Variants in NELL1 observed in about 807,000 individuals in gnomAD.
NELL1 encodes the protein neural EGFL like 1.
NELL1 carries 76 observed loss-of-function variants against 107.4 expected under a neutral mutation model. That is an observed-to-expected ratio of 0.71 (90% confidence interval 0.59 to 0.86). The LOEUF is 0.86. Ranked by LOEUF, NELL1 falls within the 40% of genes least tolerant of loss-of-function variation. NELL1 has a pLI of 0.00. For synonymous variants in NELL1, 353 were observed against 341.2 expected (o/e 1.03, Z -0.38); for missense variants, 1,024 against 1,005.5 (o/e 1.02, Z -0.25).
At chr11:21,497,801 A>G (rs1035139846) in intron 15 of NELL1, among the ~76,000 whole-genome samples, 3 of 152,044 alleles carry the variant, frequency 2.0e-5, no homozygotes, top group African/African-American at 7.2e-5. Flanking sequence ...TTCTACTTGA[A>G]TTCATGAGTA....
At chr11:20,938,908 G>GTCTCTGTCTCTCTCTCTCTC (rs1554947414) in intron 10 of NELL1, among the ~76,000 whole-genome samples, 3 of 144,538 alleles carry the variant, frequency 2.1e-5, no homozygotes, top group African/African-American at 7.9e-5. Context: ...TTCTCTCTCT[G>GTCTCTGTCTCTCTCTCTCTC]TCTCTCTCTC....
chr11:21,239,539 G>A (rs796589661), intron 14 of NELL1, among the ~76,000 whole-genome samples: 5 of 152,128 alleles, frequency 3.3e-5, no homozygotes, highest in African/African-American at 1.2e-4. Flanking sequence ...ATTCTAATAT[G>A]TAGCCTGAAG....
intron 2 of NELL1, among the ~76,000 whole-genome samples, chr11:20,765,592 G>C (rs555853410): frequency 6.6e-6 from 1 of 152,130 alleles, no homozygotes. Flanking sequence ...TGGAGTGGGC[G>C]AAAGTGTGTT....
At chr11:21,005,503 A>AGGG (rs1385620631) in intron 12 of NELL1, among the ~76,000 whole-genome samples, 1 of 152,184 alleles carries the variant, frequency 6.6e-6, no homozygotes, top group Non-Finnish European at 1.5e-5. Flanking sequence ...CTCACAGCAC[A>AGGG]GGGGTGCTGC....
At chr11:21,572,643 C>G (rs935423064) in intron 18 of NELL1, among the ~76,000 whole-genome samples, 2 of 151,802 alleles carry the variant, frequency 1.3e-5, no homozygotes, top group Admixed American at 6.6e-5. Flanking sequence ...GTTCAGTGGT[C>G]ACATGTTATA....
chr11:20,846,963 A>G (rs1321579536), intron 3 of NELL1, among the ~76,000 whole-genome samples: 1 of 152,220 alleles, frequency 6.6e-6, no homozygotes, highest in Non-Finnish European at 1.5e-5. Flanking sequence ...AAACAGGATC[A>G]TAATCCTGGA....
At chr11:21,256,692 A>C (rs1281039642) in intron 14 of NELL1, among the ~76,000 whole-genome samples, 2 of 152,052 alleles carry the variant, frequency 1.3e-5, no homozygotes, top group African/African-American at 4.8e-5. Context: ...TCTGTCTTTC[A>C]AAGTTCTTGC....
At chr11:20,678,940 C>G (rs1854128764) in intron 2 of NELL1, among the ~76,000 whole-genome samples, 1 of 151,956 alleles carries the variant, frequency 6.6e-6, no homozygotes, top group Non-Finnish European at 1.5e-5. Context: ...GGATAAAAAG[C>G]CTGGTATAGG....
At chr11:20,927,796 G>A (rs1025501441) in intron 8 of NELL1, among the ~76,000 whole-genome samples, 2 of 152,192 alleles carry the variant, frequency 1.3e-5, no homozygotes, top group Non-Finnish European at 2.9e-5. Flanking sequence ...TAAAAGGGGA[G>A]TTTAATTATT....
intron 15 of NELL1, among the ~76,000 whole-genome samples, chr11:21,396,040 G>C (rs567425327): frequency 1.3e-5 from 2 of 151,582 alleles, no homozygotes; most frequent in Admixed American, 1.3e-4. Flanking sequence ...TCTGGCTGAG[G>C]CAGTTTTCAC....
At position 20,736,163 on chromosome 11, in the gene NELL1, G is replaced by T. The variant is rs148531951; in HGVS notation, c.185-47517G>T. On this transcript the variant is annotated intron_variant, in intron 2 of 19. Transcript: ENST00000357134. ...GGTCATCCACTGAGGGCAAGTGGGG[G>T]GTGAAGGTTTGAGTGAGAGAAGAAT... Among the ~76,000 whole-genome samples, 1,264 of 152,228 alleles carry T rather than the reference G, an allele frequency of 8.3e-3. 15 individuals carry two copies. Among genetic ancestry groups the T allele is most frequent in the African/African-American group, 0.028 (1,178 of 41,534 alleles).
intron 12 of NELL1, among the ~76,000 whole-genome samples, chr11:21,113,061 C>T (rs1855144943): frequency 6.6e-6 from 1 of 152,012 alleles, no homozygotes; most frequent in African/African-American, 2.4e-5. Context: ...GGATGAGAGA[C>T]ATTAATTTGC....
intron 12 of NELL1, among the ~76,000 whole-genome samples, chr11:21,081,459 T>A (rs1159828637): frequency 6.6e-6 from 1 of 152,148 alleles, no homozygotes; most frequent in Non-Finnish European, 1.5e-5. Context: ...GAGGTCTGAA[T>A]TTGTATCCAA....
At chr11:20,818,443 G>T in intron 3 of NELL1, among the ~76,000 whole-genome samples, 1 of 134,244 alleles carries the variant, frequency 7.4e-6, no homozygotes. Context: ...TTCGGAATCA[G>T]GAAACTGCTA....
chr11:20,836,155 A>T (rs958548831), intron 3 of NELL1, among the ~76,000 whole-genome samples: 3 of 152,118 alleles, frequency 2.0e-5, no homozygotes, highest in Admixed American at 6.5e-5. Context: ...ATCTTACTAA[A>T]GAAGATATGT....
At chr11:21,357,890 G>A (rs1479756797) in intron 14 of NELL1, among the ~76,000 whole-genome samples, 13 of 152,096 alleles carry the variant, frequency 8.5e-5, no homozygotes, top group African/African-American at 1.9e-4. Context: ...AGCACCATTC[G>A]TTGAATAGGG....
chr11:21,235,417 G>A (rs1858180391), intron 14 of NELL1, among the ~76,000 whole-genome samples: 2 of 152,138 alleles, frequency 1.3e-5, no homozygotes, highest in Non-Finnish European at 2.9e-5. Flanking sequence ...AGGTGGCTTA[G>A]GGTCGGACTC....
intron 12 of NELL1, among the ~76,000 whole-genome samples, chr11:21,025,009 A>G (rs12278965): frequency 0.25 from 37,359 of 152,044 alleles, 6,544 homozygotes; most frequent in African/African-American, 0.5. Context: ...CACTCCCTAA[A>G]GATATTGTAT....
intron 4 of NELL1, among the ~76,000 whole-genome samples, chr11:20,848,707 T>C (rs1848744441): frequency 6.6e-6 from 1 of 152,082 alleles, no homozygotes; most frequent in Non-Finnish European, 1.5e-5. Context: ...CCAAAAACCA[T>C]CAAGAGGAGA....
Sources: gnomAD v4.1 joint callset for allele counts (sites outside exome capture counted in the v4.1 genomes callset) on GRCh38, gnomAD v4.1.1 for gene constraint, MANE v1.5 for transcripts, NCBI Gene and HGNC (gene_info 2026-07-23, HGNC 2026-07-21) for gene names.